DNAJC1: variants seen among roughly 807,000 people sequenced by gnomAD.
DNAJC1 encodes DnaJ heat shock protein family (Hsp40) member C1, also known as dnaJ homolog subfamily C member 1.
In DNAJC1, 58 loss-of-function variants were observed where a neutral mutation model predicts 76.6. The observed-to-expected ratio is 0.76, with a 90% CI of 0.61 to 0.94. The LOEUF (loss-of-function observed/expected upper bound fraction) is 0.94. Ranked by LOEUF, DNAJC1 falls within the 40% of genes least tolerant of loss-of-function variation. The pLI, the probability that DNAJC1 is intolerant of heterozygous loss-of-function variation, is 0.00. For missense variants in DNAJC1, 689 were observed against 677.3 expected (o/e 1.02, Z -0.19); for synonymous variants, 258 against 267.9 (o/e 0.96, Z 0.36).
intron 7 of DNAJC1, among the ~76,000 whole-genome samples, chr10:21,888,307 C>T (rs767678455): frequency 1.3e-5 from 2 of 152,116 alleles, no homozygotes; most frequent in African/African-American, 2.4e-5. Context: ...TTAGTTCAAC[C>T]ATTATGGAAG....
intron 1 of DNAJC1, among the ~76,000 whole-genome samples, chr10:21,964,227 T>A (rs1273949547): frequency 1.3e-5 from 2 of 152,154 alleles, no homozygotes; most frequent in Non-Finnish European, 2.9e-5. Context: ...ATTATTTTAT[T>A]TTTTTTAGAC....
At chr10:21,996,213 A>T (rs1176770173) in intron 1 of DNAJC1, among the ~76,000 whole-genome samples, 1 of 152,184 alleles carries the variant, frequency 6.6e-6, no homozygotes, top group Non-Finnish European at 1.5e-5. Flanking sequence ...ACTAGGTGGA[A>T]TTAACTGGTA....
intron 8 of DNAJC1, among the ~76,000 whole-genome samples, chr10:21,813,212 C>CTATATATATA (rs1564794844): frequency 1.9e-4 from 10 of 52,076 alleles, no homozygotes; most frequent in Non-Finnish European, 3.0e-4. Context: ...CTCTCTCTCT[C>CTATATATATA]TCTCTCTCTA....
intron 8 of DNAJC1, among the ~76,000 whole-genome samples, chr10:21,841,051 T>C (rs1160194779): frequency 2.6e-5 from 4 of 152,226 alleles, no homozygotes; most frequent in East Asian, 3.8e-4. Flanking sequence ...GCTAGCCATA[T>C]GTAGAAAGCT....
intron 1 of DNAJC1, among the ~76,000 whole-genome samples, chr10:21,940,260 T>C (rs1173527807): frequency 1.3e-5 from 2 of 152,194 alleles, no homozygotes; most frequent in African/African-American, 4.8e-5. Flanking sequence ...TCATGATAAA[T>C]TTTAAGTCTG....
chr10:21,790,795 G>A (rs1274678642), intron 9 of DNAJC1, among the ~76,000 whole-genome samples: 1 of 151,812 alleles, frequency 6.6e-6, no homozygotes, highest in Non-Finnish European at 1.5e-5. Context: ...AATGACATGA[G>A]AGGAAGAAAG....
Position 21,845,218 on chromosome 10 carries a change from T to C in DNAJC1, c.978+37064A>G, listed in dbSNP as rs571589409. 2.6e-5 allele frequency among the ~76,000 whole-genome samples: 4 copies of C among 152,212 alleles called. No homozygotes were observed. In the East Asian group the frequency reaches 7.7e-4, roughly 29 times the overall value. ...GACAAGATGATAAACTGCAAATTTG[T>C]TTGTCTCGTGTGCCATTGCATAGAT... On this transcript the variant is annotated intron_variant, in intron 8 of 11. Transcript: ENST00000376980.
chr10:21,977,454 A>T (rs1838084937), intron 1 of DNAJC1, among the ~76,000 whole-genome samples: 1 of 152,164 alleles, frequency 6.6e-6, no homozygotes, highest in Non-Finnish European at 1.5e-5. Flanking sequence ...AACAACTCTA[A>T]AGGAGAAATA....
chr10:22,003,420 G>T lies in DNAJC1; in HGVS notation c.15C>A (p.Cys5Ter). 7.3e-7 allele frequency: 1 copy of T among 1,367,268 alleles called. No individual in the cohort carries two copies. 84.7% of individuals were successfully genotyped at this position (1,367,268 alleles called of 1,614,324 possible). A position where few individuals can be genotyped will look rare whatever the true frequency, so the allele number is the denominator to read the frequency against. Residue 5 changes from cysteine to a stop codon, truncating the protein, a stop_gained, in exon 1 of 12, where the codon TGC (cysteine) becomes TGA (stop). Coordinates refer to ENST00000376980, the MANE Select transcript of DNAJC1 (RefSeq NM_022365.4). LOFTEE classifies it high-confidence loss of function. ...GTCCAGGAAGCTGCGCCGGCTGGGA[G>T]CAAGGAGCCGTCATCGCGCTGGGCT... is the stretch of plus-strand genomic sequence containing the variant. MTAP[C>*]SQPAQLPGRR...
At chr10:21,979,615 GTACTTGGATCTGGTC>G (rs1838120185) in intron 1 of DNAJC1, among the ~76,000 whole-genome samples, 1 of 151,942 alleles carries the variant, frequency 6.6e-6, no homozygotes, top group African/African-American at 2.4e-5. Flanking sequence ...GGGAATACAT[GTACTTGGATCTGGTC>G]TACCTGGATA....
chr10:21,866,456 T>G (rs545367928), intron 8 of DNAJC1, among the ~76,000 whole-genome samples: 4 of 151,850 alleles, frequency 2.6e-5, no homozygotes, highest in Admixed American at 1.3e-4. Context: ...AGAAATAAAC[T>G]GCAACACTTT....
At position 22,003,655 on chromosome 10, in the gene DNAJC1, G is replaced by A. The variant is rs556182534; in HGVS notation, c.-221C>T. On this transcript the variant is annotated 5_prime_UTR_variant, in exon 1 of 12. Transcript: ENST00000376980. ...GTAGGCGGGCGGGGCCGCAGCCAGC[G>A]CTACGTTCCGAAGACCCTCGCCCCC... 5 of 447,506 alleles carry A rather than the reference G, an allele frequency of 1.1e-5. No homozygotes were observed. The highest frequency in any genetic ancestry group is 6.2e-5 in the African/African-American group (3 of 48,716). 27.7% of individuals were successfully genotyped at this position (447,506 alleles called of 1,614,324 possible).
chr10:21,882,158 A>C, intron 8 of DNAJC1, 124 bp downstream of exon 8: 1 of 956,448 alleles, frequency 1.0e-6, no homozygotes, highest in Non-Finnish European at 1.5e-6. Flanking sequence ...TGTCTCAAAC[A>C]AAACAAAACA....
intron 9 of DNAJC1, among the ~76,000 whole-genome samples, chr10:21,800,722 TAA>T (rs575499771): frequency 7.7e-4 from 118 of 152,300 alleles, no homozygotes; most frequent in African/African-American, 2.6e-3. Flanking sequence ...AGAGAAACGC[TAA>T]AGTCTCTAGA....
At chr10:21,760,079 T>A (rs1834223443) in intron 10 of DNAJC1, among the ~76,000 whole-genome samples, 1 of 152,190 alleles carries the variant, frequency 6.6e-6, no homozygotes, top group Non-Finnish European at 1.5e-5. Flanking sequence ...TTACAAATAG[T>A]AGCTACAGTA....
intron 8 of DNAJC1, among the ~76,000 whole-genome samples, chr10:21,846,879 C>T (rs1296380214): frequency 2.6e-4 from 35 of 135,650 alleles, no homozygotes; most frequent in African/African-American, 8.3e-4. Context: ...TGGATAATGA[C>T]TTTTTTTTTT....
At chr10:21,894,656 A>G (rs1836511760) in intron 7 of DNAJC1, among the ~76,000 whole-genome samples, 1 of 152,200 alleles carries the variant, frequency 6.6e-6, no homozygotes, top group African/African-American at 2.4e-5. Flanking sequence ...AGGTAACACA[A>G]AGATAATGCA....
intron 6 of DNAJC1, among the ~76,000 whole-genome samples, chr10:21,905,848 A>G (rs1315334621): frequency 6.6e-6 from 1 of 152,178 alleles, no homozygotes; most frequent in East Asian, 1.9e-4. Flanking sequence ...GAATAACTCT[A>G]GGGTAACATT....
intron 1 of DNAJC1, among the ~76,000 whole-genome samples, chr10:21,955,361 T>C (rs1032418587): frequency 2.0e-5 from 3 of 152,174 alleles, no homozygotes; most frequent in African/African-American, 7.2e-5. Flanking sequence ...CCTCTTCAGG[T>C]AAAATTTATG....
Sources: gnomAD v4.1 joint callset for allele counts (sites outside exome capture counted in the v4.1 genomes callset) on GRCh38, gnomAD v4.1.1 for gene constraint, MANE v1.5 for transcripts, NCBI Gene and HGNC (gene_info 2026-07-23, HGNC 2026-07-21) for gene names.